CENPE: variants seen among roughly 807,000 people sequenced by gnomAD.
CENPE encodes centromere protein E.
CENPE carries 145 observed loss-of-function variants against 336.1 expected under a neutral mutation model. The ratio of observed to expected loss-of-function variants is 0.43; its 90% CI spans 0.38 to 0.50. The LOEUF (loss-of-function observed/expected upper bound fraction) is 0.50, where lower values mean the gene tolerates loss of function less well. Ranked by LOEUF, CENPE falls within the 20% of genes least tolerant of loss-of-function variation. CENPE has a pLI of 0.00. For missense variants in CENPE, 2,719 were observed against 3,023.3 expected, an observed-to-expected ratio of 0.90 and a Z score of 2.36; for synonymous variants, 1,013 against 984.8, an observed-to-expected ratio of 1.03 and a Z score of -0.54.
rs113104977 is a variant in CENPE at position 103,110,383 on chromosome 4, C to T, written c.7724+445G>A. Among the ~76,000 whole-genome samples the T allele has an allele frequency of 1.9e-3, 296 of 152,076 alleles. 3 individuals carry two copies. Among genetic ancestry groups the T allele is most frequent in the African/African-American group, 6.6e-3 (276 of 41,504 alleles). ...GTTAGTTATTTGTAAAATTATTTAACGCTTTTTTTTCTACTGTATCATAGT... is the reference window on the plus strand; with the variant it reads ...GTTAGTTATTTGTAAAATTATTTAATGCTTTTTTTTCTACTGTATCATAGT... On this transcript the variant is annotated intron_variant, in intron 47 of 48. Coordinates refer to ENST00000265148, the MANE Select transcript of CENPE (RefSeq NM_001813.3).
intron 26 of CENPE, 36 bp downstream of exon 26, chr4:103,151,183 G>A (rs756264409): frequency 6.4e-7 from 1 of 1,568,848 alleles, no homozygotes; most frequent in South Asian, 1.2e-5. Context: ...AGTTTAGTTA[G>A]AAAAAATGGC....
intron 18 of CENPE, among the ~76,000 whole-genome samples, chr4:103,162,099 A>T (rs1754496759): frequency 6.6e-6 from 1 of 152,160 alleles, no homozygotes; most frequent in African/African-American, 2.4e-5. Context: ...TCTGCTTGCC[A>T]CGCTATGAAC....
intron 3 of CENPE, 62 bp downstream of exon 3, chr4:103,196,101 G>A: frequency 6.3e-7 from 1 of 1,576,146 alleles, no homozygotes; most frequent in Non-Finnish European, 8.7e-7. Context: ...GTAAAACTAT[G>A]CATGCTTGTT....
rs112486728 is a variant in CENPE at position 103,174,169 on chromosome 4, A to AT, written c.1647+566dup. On this transcript the variant is annotated intron_variant, in intron 16 of 48. Coordinates refer to ENST00000265148, the MANE Select transcript of CENPE (RefSeq NM_001813.3). ...AGTCACAATGGAATATTCTTCAGCT[A>AT]TTTAAAAAAAAAAAAAGAAATCCTA... 2.3e-3 allele frequency among the ~76,000 whole-genome samples: 346 copies of AT among 149,776 alleles called. 1 individual carries two copies. Among genetic ancestry groups the AT allele is most frequent in the African/African-American group, 7.8e-3 (320 of 41,178 alleles).
At chr4:103,160,853 A>G (rs767481275) in intron 20 of CENPE, 74 bp from the exon 21 acceptor site, 184 of 1,311,106 alleles carry the variant, frequency 1.4e-4, no homozygotes, top group Non-Finnish European at 1.9e-4. Context: ...TTGTCCTTGA[A>G]TCACCTTTTT....
chr4:103,114,693 C>A, intron 45 of CENPE, 141 bp from the exon 46 acceptor site: 1 of 619,256 alleles, frequency 1.6e-6, no homozygotes, highest in South Asian at 2.0e-5. Context: ...CCTCGTGATA[C>A]CTCTCTGGTG....
intron 45 of CENPE, among the ~76,000 whole-genome samples, chr4:103,115,539 T>C (rs1316802855): frequency 6.6e-6 from 1 of 152,166 alleles, no homozygotes; most frequent in African/African-American, 2.4e-5. Flanking sequence ...AAAATTCCAA[T>C]GCTACTTCCT....
In CENPE at chr4:103,161,337, T is replaced by A; in HGVS notation, c.1963A>T (p.Met655Leu). The change falls in exon 19 of 49, where the codon ATG (methionine) becomes TTG (leucine). Residue 655 changes from methionine to leucine, a missense_variant and splice_region_variant. This residue lies in a region of CENPE where 2,437 missense variants were observed against 2,513.3 expected (regional missense o/e 0.97). Coordinates refer to ENST00000265148, the MANE Select transcript of CENPE (RefSeq NM_001813.3). ...TAAATATTACAAAAAATACTTACCA[T>A]TTTCTCCTTCAGCTCCAGATTTTCA... is the stretch of plus-strand genomic sequence containing the variant. ...RSENLELKEK[M>L]KELATTYKQM... 6.2e-7 allele frequency: 1 copy of A among 1,609,586 alleles called. No individual in the cohort carries two copies. The highest frequency in any genetic ancestry group is 8.5e-7 in the Non-Finnish European group (1 of 1,178,432).
At position 103,194,332 on chromosome 4, in the gene CENPE, T is replaced by G. The variant is rs753613435; in HGVS notation, c.628-38A>C. Reference sequence around the variant, plus strand: ...GGCAAGCTGTAGAAAAATTAGTGCATTCTTACTTGGAAAGATCTAACAGAT... The same window carrying G: ...GGCAAGCTGTAGAAAAATTAGTGCAGTCTTACTTGGAAAGATCTAACAGAT... On this transcript the variant is annotated intron_variant, in intron 7 of 48. Transcript: ENST00000265148. 5.6e-6 allele frequency: 9 copies of G among 1,609,600 alleles called. No individual in the cohort carries two copies. The South Asian group carries it at 9.9e-5, about 18-fold the overall frequency.
At chr4:103,147,316 T>C (rs1482493370) in intron 29 of CENPE, 40 bp downstream of exon 29, 1 of 1,514,180 alleles carries the variant, frequency 6.6e-7, no homozygotes, top group East Asian at 2.3e-5. Flanking sequence ...TTGATTCTTA[T>C]AAGACACTTG....
chr4:103,190,683 A>G (rs1275081831), intron 8 of CENPE, among the ~76,000 whole-genome samples: 1 of 152,242 alleles, frequency 6.6e-6, no homozygotes, highest in Non-Finnish European at 1.5e-5. Context: ...CTAAAACCAT[A>G]AAAACCCTAG....
Position 103,196,278 on chromosome 4 carries a change from A to C in CENPE, c.149-26T>G, listed in dbSNP as rs748780838. On this transcript the variant is annotated intron_variant, in intron 2 of 48. Transcript: ENST00000265148. The stretch of plus-strand genomic sequence containing the variant: ...CTAAACAACAACAACAACAACAACA[A>C]CACAGAAGTTAAATCAAATGAGTCC... 5 of 1,506,778 alleles carry C rather than the reference A, an allele frequency of 3.3e-6. No homozygotes were observed. The African/African-American group carries it at 4.1e-5, about 12-fold the overall frequency. The allele number at this position is 1,506,778 out of a possible 1,614,324, so 93.3% of individuals were successfully genotyped here.
chr4:103,171,708 G>C (rs1213371306), intron 16 of CENPE, among the ~76,000 whole-genome samples: 1 of 141,936 alleles, frequency 7.0e-6, no homozygotes, highest in Non-Finnish European at 1.5e-5. Context: ...AAAATAAAGA[G>C]TTTTTTTTTT....
In CENPE at chr4:103,198,310, C is replaced by G; in HGVS notation, c.10G>C (p.Glu4Gln). The change falls in exon 1 of 49, where the codon GAA becomes CAA. Residue 4 changes from glutamate to glutamine, a missense_variant. By Grantham distance (29) the Glu-to-Gln change is conservative. This residue lies in a region of CENPE where 48 missense variants were observed against 50.8 expected (regional missense o/e 0.94). Coordinates refer to ENST00000265148, the MANE Select transcript of CENPE (RefSeq NM_001813.3). ...CGCACGCAGACGGCCACGGCTCCTT[C>G]CTCCGCCATCCTATCAGGCTGAACT... MAE[E>Q]GAVAVCVRVR... 1 of 1,551,300 alleles carries G rather than the reference C, an allele frequency of 6.4e-7. No homozygotes were observed. Among genetic ancestry groups the G allele is most frequent in the Non-Finnish European group, 8.7e-7 (1 of 1,146,908 alleles).
rs922695430 is a variant in CENPE, at chr4:103,160,759, A to T, written c.2152T>A (p.Leu718Met). Residue 718 changes from leucine to methionine, a missense_variant, in exon 21 of 49, where the codon TTG (leucine) becomes ATG (methionine). Physicochemically the swap from Leu to Met is conservative, Grantham distance 15. This residue lies in a region of CENPE where 2,437 missense variants were observed against 2,513.3 expected (regional missense o/e 0.97). Transcript: ENST00000265148. ...VPKDLLCNLELEGKITDLQKE... is the reference protein window; with the variant it reads ...VPKDLLCNLEMEGKITDLQKE... ...TGAAGATCAGTAATCTTTCCTTCCA[A>T]TTCCAAATTACAGAGCAAATCTAGA... is the stretch of plus-strand genomic sequence containing the variant. 6.2e-7 allele frequency: 1 copy of T among 1,600,558 alleles called. No homozygotes were observed. The highest frequency in any genetic ancestry group is 1.3e-5 in the African/African-American group (1 of 74,086).
At chr4:103,150,512 G>T (rs900682810) in intron 26 of CENPE, among the ~76,000 whole-genome samples, 1 of 152,188 alleles carries the variant, frequency 6.6e-6, no homozygotes, top group East Asian at 1.9e-4. Flanking sequence ...GAACCCAGGG[G>T]GGGTTGAGGC....
chr4:103,193,970 A>G (rs1475026503), intron 8 of CENPE, among the ~76,000 whole-genome samples: 2 of 152,066 alleles, frequency 1.3e-5, no homozygotes, highest in African/African-American at 4.8e-5. Flanking sequence ...AAAAACATCA[A>G]TTCCTATAAC....
intron 42 of CENPE, among the ~76,000 whole-genome samples, chr4:103,125,744 A>G (rs893457725): frequency 6.6e-6 from 1 of 151,664 alleles, no homozygotes; most frequent in African/African-American, 2.4e-5. Context: ...ACGTGCCTGT[A>G]GTCCCAGTTA....
At chr4:103,197,030 CA>C (rs1757795167) in intron 1 of CENPE, among the ~76,000 whole-genome samples, 180 bp from the exon 2 acceptor site, 1 of 152,238 alleles carries the variant, frequency 6.6e-6, no homozygotes, top group Admixed American at 6.5e-5. Context: ...TCTGCCGCCT[CA>C]AAAGTGTTTT....
Sources: allele counts gnomAD v4.1 joint callset (sites outside exome capture counted in the v4.1 genomes callset), GRCh38; gene constraint gnomAD v4.1.1; regional missense constraint gnomAD v4.1.1; transcripts MANE v1.5; gene names NCBI Gene and HGNC (gene_info 2026-07-23, HGNC 2026-07-21).